Variants in COL27A1 observed in about 807,000 individuals in gnomAD.
COL27A1 encodes the protein collagen type XXVII alpha 1 chain.
Under a neutral mutation model 251.3 loss-of-function variants are expected in COL27A1, and 106 were observed. The ratio of observed to expected loss-of-function variants is 0.42; its 90% CI spans 0.36 to 0.50. The LOEUF (loss-of-function observed/expected upper bound fraction) is 0.50. Ranked by LOEUF, COL27A1 falls within the 20% of genes least tolerant of loss-of-function variation. The pLI is 0.00. For missense variants in COL27A1, 2,325 were observed against 2,522.8 expected (o/e 0.92, Z 1.68); for synonymous variants, 1,000 against 986.3 (o/e 1.01, Z -0.26).
intron 12 of COL27A1, among the ~76,000 whole-genome samples, chr9:114,216,486 G>T (rs932924369): frequency 3.3e-5 from 5 of 152,212 alleles, no homozygotes; most frequent in Non-Finnish European, 5.9e-5. Flanking sequence ...AGGGAGCTCT[G>T]GGGTGACTGC....
chr9:114,307,773 T>G lies in COL27A1; in HGVS notation c.5212T>G (p.Ser1738Ala). Residue 1738 changes from serine to alanine, a missense_variant, in exon 59 of 61, where the codon TCC becomes GCC. This residue lies in a region of COL27A1 where 327 missense variants were observed against 442.8 expected (regional missense o/e 0.74). Coordinates refer to ENST00000356083, the MANE Select transcript of COL27A1 (RefSeq NM_032888.4). ...GQTCLKPITA[S>A]KVEFAISRVQ... is the part of the protein sequence containing the mutation. ...GACGTGTCTCAAGCCCATCACGGCCTCCAAGGTACCCATCAGCTCCCACAC... is the reference window on the plus strand; with the variant it reads ...GACGTGTCTCAAGCCCATCACGGCCGCCAAGGTACCCATCAGCTCCCACAC... 6.2e-7 allele frequency: 1 copy of G among 1,612,284 alleles called. No individual in the cohort carries two copies. The highest frequency in any genetic ancestry group is 8.5e-7 in the Non-Finnish European group (1 of 1,178,654).
At position 114,300,837 on chromosome 9, in the gene COL27A1, G is replaced by A. The variant is rs147418551; in HGVS notation, c.4701+150G>A. On this transcript the variant is annotated intron_variant, in intron 51 of 60. Transcript: ENST00000356083. The stretch of plus-strand genomic sequence containing the variant: ...CCTGGTTCCCACCTTCACTCCTGCC[G>A]TTCCCACCAGCTCAGCCCCCATCCT... 5.9e-3 allele frequency: 4,422 copies of A among 755,308 alleles called. 16 individuals are homozygous for A. Among genetic ancestry groups the A allele is most frequent in the Non-Finnish European group, 7.9e-3 (3,785 of 481,450 alleles). 46.8% of individuals were successfully genotyped at this position (755,308 alleles called of 1,614,324 possible). A position where few individuals can be genotyped will look rare whatever the true frequency, so the allele number is the denominator to read the frequency against.
At chr9:114,265,199 C>A (rs1482741424) in intron 31 of COL27A1, 89 bp downstream of exon 31, 3 of 1,250,552 alleles carry the variant, frequency 2.4e-6, no homozygotes, top group African/African-American at 1.5e-5. Flanking sequence ...CCACTTTTAC[C>A]AAGTTCCTGT....
chr9:114,232,720 C>T (rs543815742), intron 16 of COL27A1, among the ~76,000 whole-genome samples: 9 of 152,158 alleles, frequency 5.9e-5, no homozygotes, highest in Non-Finnish European at 1.0e-4. Flanking sequence ...CCATGCTGGG[C>T]GCCATCTGAG....
chr9:114,230,426 A>C (rs1307212462), intron 14 of COL27A1, among the ~76,000 whole-genome samples: 3 of 152,158 alleles, frequency 2.0e-5, no homozygotes, highest in Non-Finnish European at 2.9e-5. Flanking sequence ...TGCAAACTGC[A>C]CACCCGCAAA....
At chr9:114,289,584 G>A (rs1466498970) in intron 45 of COL27A1, among the ~76,000 whole-genome samples, 1 of 152,198 alleles carries the variant, frequency 6.6e-6, no homozygotes, top group Non-Finnish European at 1.5e-5. Flanking sequence ...ACTGTAGAGA[G>A]AAAACTGGGA....
intron 19 of COL27A1, among the ~76,000 whole-genome samples, chr9:114,238,141 G>A (rs1832523201): frequency 6.6e-6 from 1 of 152,232 alleles, no homozygotes; most frequent in African/African-American, 2.4e-5. Context: ...GGAGCAAGAG[G>A]TAAATGCAAA....
At chr9:114,210,628 G>A (rs1222936507) in intron 11 of COL27A1, among the ~76,000 whole-genome samples, 2 of 152,168 alleles carry the variant, frequency 1.3e-5, no homozygotes, top group Non-Finnish European at 2.9e-5. Context: ...AGCCCCTGGG[G>A]TGGTGGCCTC....
chr9:114,263,042 A>ACC (rs1834464239), intron 28 of COL27A1, among the ~76,000 whole-genome samples: 1 of 149,970 alleles, frequency 6.7e-6, no homozygotes, highest in Non-Finnish European at 1.5e-5. Context: ...GGGTTCAAGC[A>ACC]ATTCTCCTAC....
chr9:114,172,105 C>G (rs1849365156), intron 3 of COL27A1, among the ~76,000 whole-genome samples: 1 of 152,172 alleles, frequency 6.6e-6, no homozygotes, highest in African/African-American at 2.4e-5. Flanking sequence ...TCCCCTGTCC[C>G]CACCCTAGGA....
chr9:114,282,409 C>G (rs556317577), intron 38 of COL27A1, 48 bp from the exon 39 acceptor site: 4 of 1,608,948 alleles, frequency 2.5e-6, no homozygotes, highest in Non-Finnish European at 3.4e-6. Context: ...TCCCTGGACC[C>G]TCCGTCCTGT....
intron 2 of COL27A1, among the ~76,000 whole-genome samples, chr9:114,165,399 C>T (rs1228400431): frequency 1.3e-5 from 2 of 151,308 alleles, no homozygotes; most frequent in African/African-American, 4.9e-5. Flanking sequence ...TCCATCCATC[C>T]ATTCATCTGC....
chr9:114,299,417 C>T (rs1217794844), intron 49 of COL27A1, among the ~76,000 whole-genome samples: 1 of 152,226 alleles, frequency 6.6e-6, no homozygotes, highest in East Asian at 1.9e-4. Context: ...CAGACCCCAG[C>T]ATGCCCCCTT....
chr9:114,279,168 C>T (rs1022165541), intron 37 of COL27A1, among the ~76,000 whole-genome samples: 1 of 152,216 alleles, frequency 6.6e-6, no homozygotes, highest in African/African-American at 2.4e-5. Flanking sequence ...ATGGCTTCCC[C>T]ATTGCCTGAC....
At position 114,288,737 on chromosome 9, in the gene COL27A1, G is replaced by C; in HGVS notation, c.4080G>C (p.Pro1360=). The C allele has an allele frequency of 6.2e-7, 1 of 1,610,788 alleles. No homozygotes were observed. The highest frequency in any genetic ancestry group is 8.5e-7 in the Non-Finnish European group (1 of 1,177,428). Residue 1360 remains proline (P), a synonymous_variant, in exon 43 of 61, where the codon CCG becomes CCC. Transcript: ENST00000356083. ...PVGDRGDRGE[P]GDPGYPGQEG... ...GTGATCGAGGAGACCGCGGGGAACC[G>C]GGAGACCCTGGGTACCCTGTAAGTA...
At chr9:114,236,376 A>G (rs750101664) in intron 17 of COL27A1, among the ~76,000 whole-genome samples, 1 of 152,178 alleles carries the variant, frequency 6.6e-6, no homozygotes, top group Non-Finnish European at 1.5e-5. Context: ...TTGATCATGA[A>G]TATTTAGGAT....
intron 26 of COL27A1, 103 bp downstream of exon 26, chr9:114,252,749 A>C: frequency 7.1e-7 from 1 of 1,415,170 alleles, no homozygotes; most frequent in Non-Finnish European, 1.0e-6. Flanking sequence ...CAGAATGACC[A>C]GCTCCCTCTT....
rs142145799 is a variant in COL27A1 at position 114,259,359 on chromosome 9, C to T, written c.3195+765C>T. Among the ~76,000 whole-genome samples the T allele has an allele frequency of 3.3e-4, 50 of 152,340 alleles. No individual in the cohort carries two copies. In the East Asian group the frequency reaches 9.2e-3, roughly 28 times the overall value. On this transcript the variant is annotated intron_variant, in intron 28 of 60. Coordinates refer to ENST00000356083, the MANE Select transcript of COL27A1 (RefSeq NM_032888.4). ...CTGAGCAGTCACTGGAAGTAATCGC[C>T]AGCACTTAATCTATGCCAGATACTG...
upstream of COL27A1, among the ~76,000 whole-genome samples, chr9:114,155,012 A>G (rs1194378223): frequency 1.3e-5 from 2 of 151,810 alleles, no homozygotes; most frequent in Non-Finnish European, 2.9e-5. This position sits in a 1 kb window ranked among gnomAD's most constrained non-coding sequence, Gnocchi z 5.5. Flanking sequence ...TTAGATTCCA[A>G]TTGCTGACAG....
Sources: gnomAD v4.1 joint callset for allele counts (sites outside exome capture counted in the v4.1 genomes callset) on GRCh38, gnomAD v4.1.1 for gene constraint, gnomAD v4.1.1 regional missense constraint, Gnocchi (gnomAD v3.1) non-coding constraint, MANE v1.5 for transcripts, NCBI Gene and HGNC (gene_info 2026-07-23, HGNC 2026-07-21) for gene names.